The following PCBP3 variants were observed in gnomAD, a reference collection of about 807,000 sequenced individuals.
PCBP3 encodes the protein poly(rC)-binding protein 3.
PCBP3 carries 25 observed loss-of-function variants against 52.7 expected under a neutral mutation model. The observed-to-expected ratio is 0.47, with a 90% CI of 0.35 to 0.66. The LOEUF is 0.66. Among genes scored for constraint, PCBP3 ranks in the 30% least tolerant of loss-of-function variants. PCBP3 has a pLI of 0.01. For synonymous variants in PCBP3, 162 were observed against 183.0 expected (o/e 0.89, Z 0.93); for missense variants, 391 against 490.3 (o/e 0.80, Z 1.91).
intron 4 of PCBP3, among the ~76,000 whole-genome samples, chr21:45,815,025 GTGAGTGAGTGA>G (rs2092842803): frequency 8.0e-6 from 1 of 124,636 alleles, no homozygotes; most frequent in African/African-American, 3.4e-5. Flanking sequence ...TGAGTGAGTG[GTGAGTGAGTGA>G]TGAGTGGTGA....
rs1603195490 is a variant in PCBP3 at position 45,664,109 on chromosome 21, C to T, written c.-278-4765C>T. 2.1e-5 allele frequency among the ~76,000 whole-genome samples: 3 copies of T among 146,078 alleles called. No homozygotes were observed. The East Asian group carries it at 6.0e-4, about 29-fold the overall frequency. On this transcript the variant is annotated intron_variant, in intron 1 of 17. Transcript: ENST00000681687. Reference sequence around the variant, plus strand: ...CAGTAAAACCCAAGGAGAGTAAATACACACACGCATAAATCACACCTAGAA... The same window carrying T: ...CAGTAAAACCCAAGGAGAGTAAATATACACACGCATAAATCACACCTAGAA...
At position 45,834,735 on chromosome 21, in the gene PCBP3, G is replaced by A. The variant is rs555909828; in HGVS notation, c.-125-15226G>A. 9.2e-5 allele frequency among the ~76,000 whole-genome samples: 14 copies of A among 152,366 alleles called. No individual in the cohort carries two copies. The East Asian group carries it at 2.3e-3, about 25-fold the overall frequency. On this transcript the variant is annotated intron_variant, in intron 4 of 17. Coordinates refer to ENST00000681687, the MANE Select transcript of PCBP3 (RefSeq NM_001384156.1). Reference sequence around the variant, plus strand: ...GAGGCGTCTCTCAGAGGGGGCCCACGAGGGAGGTGGTATGAAAGGTTTTTA... The same window carrying A: ...GAGGCGTCTCTCAGAGGGGGCCCACAAGGGAGGTGGTATGAAAGGTTTTTA...
chr21:45,851,358 A>G (rs958852223), intron 5 of PCBP3, among the ~76,000 whole-genome samples: 2 of 152,186 alleles, frequency 1.3e-5, no homozygotes, highest in African/African-American at 4.8e-5. Context: ...ACTAAAATAC[A>G]AAAATTAGCC....
intron 4 of PCBP3, chr21:45,761,878 GC>G (rs1222847477): frequency 6.6e-6 from 1 of 152,324 alleles, no homozygotes; most frequent in African/African-American, 2.4e-5. Flanking sequence ...ATGTCGGAAG[GC>G]CCAGCTGCCC....
chr21:45,904,959 T>C lies in PCBP3; in HGVS notation c.339+3846T>C, dbSNP rs79793961. Among the ~76,000 whole-genome samples, 1,297 of 152,320 alleles carry C rather than the reference T, an allele frequency of 8.5e-3. 22 individuals are homozygous for C. Among genetic ancestry groups the C allele is most frequent in the African/African-American group, 0.029 (1,224 of 41,548 alleles). On this transcript the variant is annotated intron_variant, in intron 9 of 17. Transcript: ENST00000681687. This position sits in a 1 kb window ranked among gnomAD's most constrained non-coding sequence, Gnocchi z 4.8. ...AGTGTTGACTGGAGATATTCATCAA[T>C]TTGTCTACAGCATGATGAGTAGTTT...
chr21:45,699,057 C>G (rs962456339), intron 2 of PCBP3, among the ~76,000 whole-genome samples: 3 of 152,210 alleles, frequency 2.0e-5, no homozygotes, highest in Non-Finnish European at 4.4e-5. Context: ...TCATTAACGT[C>G]ACCTGCCACA....
chr21:45,753,490 T>C (rs2087740148), intron 3 of PCBP3, among the ~76,000 whole-genome samples: 1 of 152,128 alleles, frequency 6.6e-6, no homozygotes, highest in African/African-American at 2.4e-5. Flanking sequence ...TTTTGTTTTA[T>C]CCTCCCTGAC....
intron 4 of PCBP3, among the ~76,000 whole-genome samples, chr21:45,839,890 T>C (rs2093663353): frequency 6.6e-6 from 1 of 152,018 alleles, no homozygotes; most frequent in Non-Finnish European, 1.5e-5. Flanking sequence ...TTTCACCATG[T>C]TGGTCAGCCT....
intron 3 of PCBP3, among the ~76,000 whole-genome samples, chr21:45,739,329 C>T (rs1486891978): frequency 8.4e-6 from 1 of 119,472 alleles, no homozygotes. Context: ...CTGGGTGGCC[C>T]CTCCCATCTT....
At chr21:45,907,030 T>G (rs2096227976) in intron 9 of PCBP3, among the ~76,000 whole-genome samples, 1 of 152,238 alleles carries the variant, frequency 6.6e-6, no homozygotes, top group Non-Finnish European at 1.5e-5. Flanking sequence ...CCAGTGTTAG[T>G]CACCCTGAGA....
At chr21:45,869,262 C>G (rs901066119) in intron 5 of PCBP3, 2 of 152,200 alleles carry the variant, frequency 1.3e-5, no homozygotes, top group African/African-American at 4.8e-5. Flanking sequence ...CGGGAGGATT[C>G]GGTCTAATCC....
intron 2 of PCBP3, among the ~76,000 whole-genome samples, chr21:45,732,380 A>G (rs1033506221): frequency 6.6e-5 from 10 of 152,084 alleles, no homozygotes; most frequent in African/African-American, 2.2e-4. Context: ...GCAAATTAAC[A>G]TACCCATCAT....
chr21:45,927,942 TCG>T (rs1305089092), intron 13 of PCBP3, among the ~76,000 whole-genome samples: 2 of 151,722 alleles, frequency 1.3e-5, no homozygotes, highest in Non-Finnish European at 2.9e-5. Context: ...CCACTAGGAG[TCG>T]GGGGTTTGCG....
chr21:45,765,828 C>T (rs896223769), intron 4 of PCBP3, among the ~76,000 whole-genome samples: 1 of 152,224 alleles, frequency 6.6e-6, no homozygotes, highest in Non-Finnish European at 1.5e-5. Flanking sequence ...CCTGAATAAG[C>T]ACTGGCGATG....
At chr21:45,665,837 A>G (rs2080759962) in intron 1 of PCBP3, among the ~76,000 whole-genome samples, 1 of 152,216 alleles carries the variant, frequency 6.6e-6, no homozygotes, top group African/African-American at 2.4e-5. Flanking sequence ...TCTAGAGACC[A>G]ATATCATTGA....
At chr21:45,878,042 A>C (rs2095309152) in intron 5 of PCBP3, among the ~76,000 whole-genome samples, 1 of 152,246 alleles carries the variant, frequency 6.6e-6, no homozygotes, top group Non-Finnish European at 1.5e-5. Context: ...GTGCAGCCAC[A>C]GAGAAGCTCC....
chr21:45,899,715 G>A (rs559198167), intron 7 of PCBP3, 93 bp downstream of exon 7: 317 of 911,530 alleles, frequency 3.5e-4, no homozygotes, highest in Non-Finnish European at 5.2e-4. Flanking sequence ...GCACCCAGTA[G>A]GTGCGCCTTT....
At chr21:45,828,785 A>C (rs2147661975) in intron 4 of PCBP3, 1 of 152,756 alleles carries the variant, frequency 6.5e-6, no homozygotes, top group East Asian at 1.9e-4. Flanking sequence ...CTGGAGGCAG[A>C]GTGGCCTCTC....
intron 4 of PCBP3, among the ~76,000 whole-genome samples, chr21:45,766,530 C>T (rs566746033): frequency 1.3e-5 from 2 of 152,360 alleles, no homozygotes; most frequent in Admixed American, 6.5e-5. Context: ...CCAGCCAGCA[C>T]CCTGATCTCC....
Sources: gnomAD v4.1 joint callset for allele counts (sites outside exome capture counted in the v4.1 genomes callset) on GRCh38, gnomAD v4.1.1 for gene constraint, Gnocchi (gnomAD v3.1) non-coding constraint, MANE v1.5 for transcripts, NCBI Gene and HGNC (gene_info 2026-07-23, HGNC 2026-07-21) for gene names.